The following PIEZO2 variants were observed in gnomAD, a reference collection of about 807,000 sequenced individuals.
The protein encoded by PIEZO2 is piezo-type mechanosensitive ion channel component 2.
PIEZO2 carries 172 observed loss-of-function variants against 337.3 expected under a neutral mutation model. That is an observed-to-expected ratio of 0.51 (90% CI 0.45 to 0.58). PIEZO2 has a LOEUF of 0.58. Ranked by LOEUF, PIEZO2 falls within the 20% of genes least tolerant of loss-of-function variation. PIEZO2 has a pLI of 0.00. For missense variants in PIEZO2, 3,028 were observed against 3,391.3 expected (o/e 0.89, Z 2.66); for synonymous variants, 1,251 against 1,228.5 (o/e 1.02, Z -0.38).
In PIEZO2 at chr18:11,003,962, A is replaced by G. The variant is rs146756327; in HGVS notation, c.161-24302T>C. Among the ~76,000 whole-genome samples the G allele has an allele frequency of 0.014, 2,206 of 152,260 alleles. 57 individuals carry two copies. Among genetic ancestry groups the G allele is most frequent in the African/African-American group, 0.05 (2,067 of 41,552 alleles). On this transcript the variant is annotated intron_variant, in intron 2 of 55. Transcript: ENST00000674853. The surrounding 1 kb of genome is among the most constrained non-coding windows in gnomAD (Gnocchi z 4.6). ...TTTGTTGCTTTTACTTTGTTTTCTA[A>G]CCCATGTTATGCCTTCCACAACTCT... is the stretch of plus-strand genomic sequence containing the variant.
intron 36 of PIEZO2, among the ~76,000 whole-genome samples, chr18:10,719,440 T>C (rs1290664246): frequency 6.6e-6 from 1 of 152,218 alleles, no homozygotes; most frequent in African/African-American, 2.4e-5. Context: ...CACTGATAAG[T>C]GAGAACATGA....
intron 3 of PIEZO2, among the ~76,000 whole-genome samples, chr18:10,920,225 T>C (rs2031299391): frequency 6.6e-6 from 1 of 152,062 alleles, no homozygotes; most frequent in Admixed American, 6.5e-5. Context: ...TCTTTCTACA[T>C]CTAGTCCCAC....
At chr18:10,756,217 G>T (rs1354204332) in intron 27 of PIEZO2, among the ~76,000 whole-genome samples, 1 of 150,432 alleles carries the variant, frequency 6.6e-6, no homozygotes, top group Non-Finnish European at 1.5e-5. Context: ...GAGGAGGGAT[G>T]GGAGACAAGG....
In PIEZO2 at chr18:10,718,999, A is replaced by T. The variant is rs191071743; in HGVS notation, c.5030-740T>A. On this transcript the variant is annotated intron_variant, in intron 36 of 55. Transcript: ENST00000674853. ...GTCTAAAATAAATAAATAAATAAAT[A>T]AATAAATAAATAAATAAATAAATAA... Among the ~76,000 whole-genome samples, 528 of 150,518 alleles carry T rather than the reference A, an allele frequency of 3.5e-3. 3 individuals are homozygous for T. The highest frequency in any genetic ancestry group is 0.012 in the African/African-American group (500 of 40,772).
intron 7 of PIEZO2, among the ~76,000 whole-genome samples, chr18:10,832,537 A>G (rs1465795793): frequency 6.6e-6 from 1 of 152,232 alleles, no homozygotes; most frequent in African/African-American, 2.4e-5. Context: ...TAGCTGAGCA[A>G]TGTTTTGATA....
chr18:11,067,426 C>A (rs1162668146), intron 1 of PIEZO2, among the ~76,000 whole-genome samples: 2 of 151,918 alleles, frequency 1.3e-5, no homozygotes, highest in African/African-American at 4.8e-5. Context: ...GGATTAAATT[C>A]TCCAATCAAA....
At chr18:11,076,419 G>A (rs1412063459) in intron 1 of PIEZO2, among the ~76,000 whole-genome samples, 3 of 151,974 alleles carry the variant, frequency 2.0e-5, no homozygotes, top group African/African-American at 7.2e-5. Context: ...CCAATCTAAG[G>A]AAAAAAATCC....
intron 22 of PIEZO2, 138 bp downstream of exon 22, chr18:10,762,784 C>T: frequency 7.6e-7 from 1 of 1,322,792 alleles, no homozygotes; most frequent in East Asian, 2.5e-5. Context: ...TTAACACAGG[C>T]CCAGAGCACG....
rs1305605608 is a variant in PIEZO2 at position 10,800,453 on chromosome 18, C to T, written c.1262G>A (p.Gly421Asp). The T allele has an allele frequency of 2.6e-6, 4 of 1,534,014 alleles. No individual in the cohort carries two copies. In the East Asian group the frequency reaches 7.4e-5, roughly 28 times the overall value. The change falls in exon 11 of 56, where the codon GGC (glycine) becomes GAC (aspartate). Residue 421 changes from glycine to aspartate, a missense_variant. This residue lies in a region of PIEZO2 where 542 missense variants were observed against 605.6 expected (regional missense o/e 0.89). Transcript: ENST00000674853. ...GATGGTGTGGTAATCCACGGGGTTG[C>T]CGTTCACAGTCACCAGCAGGCCCTG... is the stretch of plus-strand genomic sequence containing the variant. ...PSDGLLVTVN[G>D]NPVDYHTIHP...
rs1440554441 is a variant in PIEZO2, at chr18:10,767,675, T to C, written c.2946+2473A>G. On this transcript the variant is annotated intron_variant, in intron 21 of 55. Transcript: ENST00000674853. The surrounding 1 kb of genome is among the most constrained non-coding windows in gnomAD (Gnocchi z 4.2). ...GAGTCTCTTTGCTGGGCTCCATGTGTACAAGCAGAGCAGGGCCTGTGTGAG... is the reference window on the plus strand; with the variant it reads ...GAGTCTCTTTGCTGGGCTCCATGTGCACAAGCAGAGCAGGGCCTGTGTGAG... 6.6e-6 allele frequency among the ~76,000 whole-genome samples: 1 copy of C among 152,072 alleles called. No homozygotes were observed. The highest frequency in any genetic ancestry group is 1.5e-5 in the Non-Finnish European group (1 of 67,996).
At chr18:10,700,473 A>G (rs1260380749) in intron 43 of PIEZO2, among the ~76,000 whole-genome samples, 2 of 152,018 alleles carry the variant, frequency 1.3e-5, no homozygotes, top group African/African-American at 4.8e-5. Context: ...ACATTCATAT[A>G]TTTGAAATTT....
chr18:10,947,335 C>T (rs540209239), intron 3 of PIEZO2, among the ~76,000 whole-genome samples: 1 of 151,804 alleles, frequency 6.6e-6, no homozygotes, highest in South Asian at 2.1e-4. Context: ...ACCACGGAGG[C>T]CAGAAAAAAA....
intron 2 of PIEZO2, among the ~76,000 whole-genome samples, chr18:11,014,087 G>C (rs2035997514): frequency 6.6e-6 from 1 of 152,262 alleles, no homozygotes; most frequent in Non-Finnish European, 1.5e-5. Context: ...TGCAGCATCT[G>C]CTGAGCGTTA....
rs868525 is a variant in PIEZO2, at chr18:10,696,335, C to G, written c.6976-47G>C. 593,239 of 1,612,960 alleles carry G rather than the reference C, an allele frequency of 0.37. 110,114 individuals carry two copies. Among genetic ancestry groups the G allele is most frequent in the Non-Finnish European group, 0.38 (448,392 of 1,179,246 alleles). The stretch of plus-strand genomic sequence containing the variant: ...CATGCCCAAGAGAGGCAATTCATGG[C>G]AGGAAGCGCCATCGCCATGGGTCAG... On this transcript the variant is annotated intron_variant, in intron 46 of 55. Coordinates refer to ENST00000674853, the MANE Select transcript of PIEZO2 (RefSeq NM_001378183.1).
chr18:11,141,041 T>A (rs574208224), intron 1 of PIEZO2, among the ~76,000 whole-genome samples: 2 of 152,148 alleles, frequency 1.3e-5, no homozygotes, highest in African/African-American at 4.8e-5. Flanking sequence ...TGGGAAACTT[T>A]AATAAGCAGA....
intron 23 of PIEZO2, 26 bp from the exon 24 acceptor site, chr18:10,761,137 G>C: frequency 2.0e-6 from 3 of 1,519,326 alleles, no homozygotes; most frequent in Non-Finnish European, 2.7e-6. Context: ...ACACAAATGT[G>C]TCAGCCAGAG....
At chr18:10,802,030 G>A in intron 9 of PIEZO2, among the ~76,000 whole-genome samples, 1 of 143,996 alleles carries the variant, frequency 6.9e-6, no homozygotes, top group African/African-American at 2.6e-5. Flanking sequence ...AGCTTGCAGT[G>A]AGCCGAGATC....
At chr18:11,085,782 TTA>T (rs2038888005) in intron 1 of PIEZO2, among the ~76,000 whole-genome samples, 1 of 152,166 alleles carries the variant, frequency 6.6e-6, no homozygotes, top group African/African-American at 2.4e-5. Flanking sequence ...AAAATTTTTT[TTA>T]AAGCTTACTT....
intron 35 of PIEZO2, among the ~76,000 whole-genome samples, chr18:10,731,915 A>AACATCTTT (rs1336565336): frequency 6.6e-6 from 1 of 152,224 alleles, no homozygotes; most frequent in Non-Finnish European, 1.5e-5. Context: ...AAAGCAAAAT[A>AACATCTTT]ACATCTTTAG....
Sources: gnomAD v4.1 joint callset for allele counts (sites outside exome capture counted in the v4.1 genomes callset) on GRCh38, gnomAD v4.1.1 for gene constraint, gnomAD v4.1.1 regional missense constraint, Gnocchi (gnomAD v3.1) non-coding constraint, MANE v1.5 for transcripts, NCBI Gene and HGNC (gene_info 2026-07-23, HGNC 2026-07-21) for gene names.